Variants in PSMD8 observed in about 807,000 individuals in gnomAD.
PSMD8 encodes the protein proteasome 26S subunit, non-ATPase 8.
PSMD8 carries 30 observed loss-of-function variants against 40.0 expected under a neutral mutation model. That is an observed-to-expected ratio of 0.75 (90% CI 0.56 to 1.02). PSMD8 has a LOEUF of 1.02. Among genes scored for constraint, PSMD8 ranks in the 50% least tolerant of loss-of-function variants. The pLI is 0.00. For missense variants in PSMD8, 461 were observed against 463.9 expected (o/e 0.99, Z 0.06); for synonymous variants, 208 against 192.5 (o/e 1.08, Z -0.67).
At chr19:38,379,550 G>C in intron 4 of PSMD8, 145 bp downstream of exon 4, 1 of 900,034 alleles carries the variant, frequency 1.1e-6, no homozygotes, top group South Asian at 1.7e-5. Context: ...CAAATACTGA[G>C]TCCCAGCTGT....
chr19:38,375,030 AC>A, intron 1 of PSMD8, 69 bp downstream of exon 1: 1 of 1,521,306 alleles, frequency 6.6e-7, no homozygotes, highest in Non-Finnish European at 8.8e-7. Flanking sequence ...TCTGGACCCA[AC>A]CAAGTCCCGG....
At chr19:38,376,120 T>G in intron 1 of PSMD8, 40 bp from the exon 2 acceptor site, 1 of 1,526,640 alleles carries the variant, frequency 6.6e-7, no homozygotes, top group East Asian at 2.3e-5. Context: ...GTATTTGAAT[T>G]CCCTTCTTTT....
At chr19:38,379,168 TG>T in intron 3 of PSMD8, 71 bp from the exon 4 acceptor site, 1 of 1,481,402 alleles carries the variant, frequency 6.8e-7, no homozygotes, top group Non-Finnish European at 9.2e-7. Flanking sequence ...TGAGGATTCC[TG>T]GAGCCTGGGG....
rs149268411 is a variant in PSMD8 at position 38,380,520 on chromosome 19, A to G, written c.703-379A>G. On this transcript the variant is annotated intron_variant, in intron 4 of 6. Transcript: ENST00000215071. ...GTGGGGAGAGGATGGGAGAGAGGGC[A>G]GTTAGGGCGGGCAGCACAGTTCGGG... 8.6e-3 allele frequency among the ~76,000 whole-genome samples: 1,306 copies of G among 152,114 alleles called. 21 individuals are homozygous for G. The highest frequency in any genetic ancestry group is 0.029 in the African/African-American group (1,219 of 41,482).
intron 6 of PSMD8, 110 bp from the exon 7 acceptor site, chr19:38,383,143 G>A (rs371994171): frequency 8.6e-5 from 122 of 1,424,224 alleles, no homozygotes; most frequent in Middle Eastern, 2.5e-4. Context: ...GGCAGAGTAC[G>A]ATTGGTGAGA....
Position 38,374,858 on chromosome 19 carries a change from C to T in PSMD8, c.257C>T (p.Ala86Val), listed in dbSNP as rs1354762824. 1 of 1,583,546 alleles carries T rather than the reference C, an allele frequency of 6.3e-7. No homozygotes were observed. Among genetic ancestry groups the T allele is most frequent in the Non-Finnish European group, 8.5e-7 (1 of 1,172,882 alleles). Residue 86 changes from alanine (A) to valine (V), a missense_variant, in exon 1 of 7, where the codon GCT becomes GTT. This residue lies in a region of PSMD8 where 225 missense variants were observed against 142.7 expected (regional missense o/e 1.58). Coordinates refer to ENST00000215071, the MANE Select transcript of PSMD8 (RefSeq NM_002812.5). ...SSSGPAATSGAVLQAATGMYE... is the reference protein window; with the variant it reads ...SSSGPAATSGVVLQAATGMYE... ...TCCGGGCCCGCGGCAACCTCGGGCG[C>T]TGTTCTGCAGGCCGCGACCGGCATG...
chr19:38,376,266 T>C (rs1173405172), intron 2 of PSMD8, 34 bp downstream of exon 2: 2 of 1,562,920 alleles, frequency 1.3e-6, no homozygotes, highest in Non-Finnish European at 1.7e-6. Context: ...GGGGTGATAA[T>C]CTGGGGGTCA....
intron 3 of PSMD8, among the ~76,000 whole-genome samples, chr19:38,377,931 C>T (rs571964928): frequency 1.3e-5 from 2 of 152,358 alleles, no homozygotes; most frequent in African/African-American, 2.4e-5. Flanking sequence ...TGAGCCACCG[C>T]GCCCGGCCAG....
At chr19:38,379,503 T>A in intron 4 of PSMD8, 98 bp downstream of exon 4, 1 of 1,335,994 alleles carries the variant, frequency 7.5e-7, no homozygotes, top group South Asian at 1.3e-5. Context: ...GGTTCACCCA[T>A]CTTTCCACCC....
chr19:38,382,379 C>A, intron 6 of PSMD8, 151 bp downstream of exon 6: 2 of 676,552 alleles, frequency 3.0e-6, no homozygotes, highest in Non-Finnish European at 5.3e-6. Context: ...TCTCTGACAT[C>A]AGTTTCTCTA....
intron 3 of PSMD8, among the ~76,000 whole-genome samples, chr19:38,378,657 GAA>G (rs201059049): frequency 8.3e-5 from 11 of 133,196 alleles, no homozygotes; most frequent in Admixed American, 2.3e-4. Context: ...TCTCGGAATT[GAA>G]AAAAAAAAAA....
chr19:38,378,507 C>CAAA (rs1228248417), intron 3 of PSMD8, among the ~76,000 whole-genome samples: 2 of 71,782 alleles, frequency 2.8e-5, no homozygotes, highest in Admixed American at 3.3e-4. Flanking sequence ...GACTCCGTCT[C>CAAA]AAAAAAAAAA....
At chr19:38,382,934 GAA>G in intron 6 of PSMD8, 1 of 273,738 alleles carries the variant, frequency 3.7e-6, no homozygotes, top group African/African-American at 2.2e-5. Flanking sequence ...AAAAAAAGAA[GAA>G]GGTGAAATTG....
intron 4 of PSMD8, among the ~76,000 whole-genome samples, chr19:38,379,983 A>G (rs1351657458): frequency 6.6e-6 from 1 of 152,198 alleles, no homozygotes; most frequent in South Asian, 2.1e-4. Context: ...ATGAATAAAA[A>G]CATATTTTTT....
intron 4 of PSMD8, among the ~76,000 whole-genome samples, chr19:38,380,582 C>T (rs1040688002): frequency 6.8e-6 from 1 of 147,398 alleles, no homozygotes; most frequent in East Asian, 2.1e-4. Context: ...GTGGAGCCAG[C>T]GCTGTCTCCC....
intron 3 of PSMD8, among the ~76,000 whole-genome samples, chr19:38,377,306 A>T (rs1190745581): frequency 6.6e-6 from 1 of 151,290 alleles, no homozygotes; most frequent in Non-Finnish European, 1.5e-5. Context: ...CTCCTACCTT[A>T]GCCTCTCAAG....
At chr19:38,378,912 C>T (rs1307712089) in intron 3 of PSMD8, among the ~76,000 whole-genome samples, 1 of 152,100 alleles carries the variant, frequency 6.6e-6, no homozygotes, top group Non-Finnish European at 1.5e-5. Flanking sequence ...AAGAACGCAC[C>T]ATTGCACTCC....
Position 38,376,240 on chromosome 19 carries a change from T to C in PSMD8, c.433+8T>C, listed in dbSNP as rs573012042. Reference sequence around the variant, plus strand: ...AGCAGCTAATTCTGGCCCGTGAGTGTCACTGGGGTTGGTTGGGGGTGATAA... The same window carrying C: ...AGCAGCTAATTCTGGCCCGTGAGTGCCACTGGGGTTGGTTGGGGGTGATAA... On this transcript the variant is annotated splice_region_variant and intron_variant, in intron 2 of 6. Transcript: ENST00000215071. 3 of 1,592,986 alleles carry C rather than the reference T, an allele frequency of 1.9e-6. No homozygotes were observed. The South Asian group carries it at 3.4e-5, about 18-fold the overall frequency.
intron 5 of PSMD8, 36 bp downstream of exon 5, chr19:38,381,035 A>G: frequency 6.8e-7 from 1 of 1,477,986 alleles, no homozygotes; most frequent in East Asian, 2.5e-5. Flanking sequence ...GAGTTTGGAA[A>G]GAACTTGGGC....
Sources: gnomAD v4.1 joint callset for allele counts (sites outside exome capture counted in the v4.1 genomes callset) on GRCh38, gnomAD v4.1.1 for gene constraint, gnomAD v4.1.1 regional missense constraint, MANE v1.5 for transcripts, NCBI Gene and HGNC (gene_info 2026-07-23, HGNC 2026-07-21) for gene names.